PDLIM1: variants seen among roughly 807,000 people sequenced by gnomAD.
PDLIM1 encodes the protein PDZ and LIM domain protein 1.
A neutral mutation model predicts 35.2 loss-of-function variants in PDLIM1; 25 were observed. The observed-to-expected ratio is 0.71, with a 90% confidence interval of 0.52 to 0.99. PDLIM1 has a LOEUF of 0.99. Among genes scored for constraint, PDLIM1 ranks in the 50% least tolerant of loss-of-function variants. The pLI, the probability that PDLIM1 is intolerant of heterozygous loss-of-function variation, is 0.00. For missense variants in PDLIM1, 363 were observed against 415.3 expected (o/e 0.87, Z 1.09); for synonymous variants, 152 against 154.0 (o/e 0.99, Z 0.10).
Position 95,276,118 on chromosome 10 carries a change from C to A in PDLIM1, c.97-4334G>T, listed in dbSNP as rs139798305. ...TTGAGATAATAATATGATTACCTCACCACCAACATATTAGATAAACTTTAC... is the reference window on the plus strand; with the variant it reads ...TTGAGATAATAATATGATTACCTCAACACCAACATATTAGATAAACTTTAC... On this transcript the variant is annotated intron_variant, in intron 1 of 6. Coordinates refer to ENST00000329399, the MANE Select transcript of PDLIM1 (RefSeq NM_020992.4). Among the ~76,000 whole-genome samples the A allele has an allele frequency of 4.2e-3, 634 of 152,252 alleles. 5 individuals carry two copies. The highest frequency in any genetic ancestry group is 4.8e-3 in the Non-Finnish European group (327 of 68,026).
intron 4 of PDLIM1, among the ~76,000 whole-genome samples, chr10:95,262,118 G>T (rs936313702): frequency 3.3e-5 from 5 of 152,096 alleles, no homozygotes; most frequent in Admixed American, 6.6e-5. Flanking sequence ...TCTCTCTGGG[G>T]AGGGGAGGGG....
At chr10:95,282,788 C>CA (rs554213942) in intron 1 of PDLIM1, among the ~76,000 whole-genome samples, 2 of 151,984 alleles carry the variant, frequency 1.3e-5, no homozygotes, top group African/African-American at 4.8e-5. Context: ...ACTAAAAATA[C>CA]AAAAAATTAG....
intron 4 of PDLIM1, among the ~76,000 whole-genome samples, chr10:95,261,096 A>G (rs2035358922): frequency 1.3e-5 from 2 of 152,202 alleles, no homozygotes; most frequent in African/African-American, 2.4e-5. Context: ...CAACTACTGC[A>G]GCCAAAGAGT....
At chr10:95,269,625 T>C (rs543387220) in intron 2 of PDLIM1, among the ~76,000 whole-genome samples, 2 of 152,256 alleles carry the variant, frequency 1.3e-5, no homozygotes, top group South Asian at 2.1e-4. Flanking sequence ...TAAACTATTT[T>C]CTTTGTACCA....
At chr10:95,239,779 G>A (rs900379576) in intron 5 of PDLIM1, among the ~76,000 whole-genome samples, 3 of 152,164 alleles carry the variant, frequency 2.0e-5, no homozygotes, top group African/African-American at 7.2e-5. Flanking sequence ...CTGGGCAACA[G>A]AGCGAGACTC....
At position 95,290,991 on chromosome 10, in the gene PDLIM1, G is replaced by A; in HGVS notation, c.-76C>T. On this transcript the variant is annotated 5_prime_UTR_variant, in exon 1 of 7. Coordinates refer to ENST00000329399, the MANE Select transcript of PDLIM1 (RefSeq NM_020992.4). This position sits in a 1 kb window ranked among gnomAD's most constrained non-coding sequence, Gnocchi z 4.7. ...CGGAACAGCTTGCAGGGCACCCCCG[G>A]CGGCTGTCGGAGAAAGAGCGGCGCG... 5.8e-6 allele frequency: 5 copies of A among 858,012 alleles called. No homozygotes were observed. The highest frequency in any genetic ancestry group is 2.2e-5 in the South Asian group (1 of 45,584). The allele number at this position is 858,012 out of a possible 1,614,324, so 53.1% of individuals were successfully genotyped here. A position where few individuals can be genotyped will look rare whatever the true frequency, so the allele number is the denominator to read the frequency against.
intron 1 of PDLIM1, 67 bp from the exon 2 acceptor site, chr10:95,271,851 AAGTATTC>A: frequency 2.0e-6 from 3 of 1,476,344 alleles, no homozygotes; most frequent in Non-Finnish European, 2.8e-6. Context: ...CCACCAAGTT[AAGTATTC>A]ACTGATATGG....
At position 95,288,938 on chromosome 10, in the gene PDLIM1, G is replaced by A. The variant is rs567464737; in HGVS notation, c.96+1882C>T. Among the ~76,000 whole-genome samples, 4 of 152,256 alleles carry A rather than the reference G, an allele frequency of 2.6e-5. No individual in the cohort carries two copies. The South Asian group carries it at 6.2e-4, about 24-fold the overall frequency. ...AATATGATACGTGCTCATTAAACAC[G>A]TGCACACGCCATAAATAAATAATAT... On this transcript the variant is annotated intron_variant, in intron 1 of 6. Coordinates refer to ENST00000329399, the MANE Select transcript of PDLIM1 (RefSeq NM_020992.4).
chr10:95,269,482 G>GAGTC (rs2035443640), intron 2 of PDLIM1, among the ~76,000 whole-genome samples: 3 of 150,192 alleles, frequency 2.0e-5, no homozygotes, highest in Non-Finnish European at 4.4e-5. Flanking sequence ...TGAGGCAGGA[G>GAGTC]ACTTGCTTAA....
intron 1 of PDLIM1, among the ~76,000 whole-genome samples, chr10:95,276,771 GGCAGGCCACA>G (rs778467290): frequency 2.8e-4 from 42 of 152,054 alleles, no homozygotes; most frequent in Non-Finnish European, 5.1e-4. Context: ...GCTGGTGAGC[GGCAGGCCACA>G]GCAGGCTCCA....
In PDLIM1 at chr10:95,268,854, T is replaced by C; in HGVS notation, c.257A>G (p.His86Arg). ...NLTLTVARSE[H>R]KVWSPLVTEE... is the part of the protein sequence containing the mutation. ...CGTCACCAGAGGAGACCAGACTTTA[T>C]GTTCAGATCTGCAACAGATTAACAA... The change falls in exon 3 of 7, where the codon CAT (histidine) becomes CGT (arginine). Residue 86 changes from histidine to arginine, a missense_variant. Transcript: ENST00000329399. 5.6e-6 allele frequency: 9 copies of C among 1,604,746 alleles called. No homozygotes were observed. The highest frequency in any genetic ancestry group is 6.8e-6 in the Non-Finnish European group (8 of 1,171,414).
rs1366051101 is a variant in PDLIM1, at chr10:95,290,434, G to C, written c.96+386C>G. 4.1e-5 allele frequency among the ~76,000 whole-genome samples: 6 copies of C among 145,574 alleles called. No homozygotes were observed. Among genetic ancestry groups the C allele is most frequent in the Non-Finnish European group, 8.9e-5 (6 of 67,174 alleles). On this transcript the variant is annotated intron_variant, in intron 1 of 6. Coordinates refer to ENST00000329399, the MANE Select transcript of PDLIM1 (RefSeq NM_020992.4). The surrounding 1 kb of genome is among the most constrained non-coding windows in gnomAD (Gnocchi z 4.7). ...TTTCCAGGTCTTTCCTGTTGCGTTC[G>C]GCTGCACTGCGATCTGGGAAGAAGG...
rs11443591 is a variant in PDLIM1 at position 95,269,571 on chromosome 10, C to CAA, written c.249-711_249-710dup. 3.6e-3 allele frequency among the ~76,000 whole-genome samples: 467 copies of CAA among 130,206 alleles called. 3 individuals carry two copies. The highest frequency in any genetic ancestry group is 9.3e-3 in the South Asian group (37 of 3,992). The allele number at this position is 130,206 out of a possible 152,430, so 85.4% of individuals were successfully genotyped here. ...TGGGTGACAGAGTGAGACTCCATCCCAAAAAAAAAAAAAAAAGAGAAGAAC... is the reference window on the plus strand; with the variant it reads ...TGGGTGACAGAGTGAGACTCCATCCCAAAAAAAAAAAAAAAAAAGAGAAGAAC... On this transcript the variant is annotated intron_variant, in intron 2 of 6. Transcript: ENST00000329399.
chr10:95,271,518 T>C (rs1305838768), intron 2 of PDLIM1, 115 bp downstream of exon 2: 3 of 765,244 alleles, frequency 3.9e-6, no homozygotes, highest in Non-Finnish European at 6.3e-6. Flanking sequence ...GCCTATAGTA[T>C]ATACATGGCA....
At chr10:95,246,619 G>C (rs1274295661) in intron 5 of PDLIM1, among the ~76,000 whole-genome samples, 1 of 152,114 alleles carries the variant, frequency 6.6e-6, no homozygotes, top group Non-Finnish European at 1.5e-5. Context: ...TAGAGGAAAG[G>C]AGTTTTATCC....
intron 5 of PDLIM1, among the ~76,000 whole-genome samples, chr10:95,246,751 T>C (rs1343664626): frequency 6.6e-6 from 1 of 152,142 alleles, no homozygotes; most frequent in African/African-American, 2.4e-5. Flanking sequence ...TTAGAGCAAA[T>C]GCAAACACAT....
chr10:95,263,938 AG>A lies in PDLIM1; in HGVS notation c.458del (p.Ser153LeufsTer27). The A allele has an allele frequency of 6.2e-7, 1 of 1,613,980 alleles. No homozygotes were observed. Among genetic ancestry groups the A allele is most frequent in the Non-Finnish European group, 8.5e-7 (1 of 1,179,974 alleles). On this transcript the variant is annotated frameshift_variant, in exon 4 of 7. Transcript: ENST00000329399. LOFTEE classifies it high-confidence loss of function. ...CATTGTTGAAGTTGGAGATATTTTC[AG>A]AAGAGTAGAGGCCAGCTGGGTTGTT... ...QYNNPAGLYS[S>X]ENISNFNNAL...
At chr10:95,243,591 C>T (rs551431304) in intron 5 of PDLIM1, among the ~76,000 whole-genome samples, 34 of 152,204 alleles carry the variant, frequency 2.2e-4, no homozygotes, top group African/African-American at 7.9e-4. Context: ...CCAGCCAAAA[C>T]GAGCCTCGGT....
chr10:95,260,783 G>T (rs144335840), intron 4 of PDLIM1, among the ~76,000 whole-genome samples: 15 of 152,352 alleles, frequency 9.8e-5, no homozygotes, highest in Non-Finnish European at 2.1e-4. Context: ...GAACTTCAGC[G>T]AATTTCACAG....
Sources: allele counts gnomAD v4.1 joint callset (sites outside exome capture counted in the v4.1 genomes callset), GRCh38; gene constraint gnomAD v4.1.1; non-coding constraint Gnocchi (gnomAD v3.1); transcripts MANE v1.5; gene names NCBI Gene and HGNC (gene_info 2026-07-23, HGNC 2026-07-21).